Variants in MDGA2 observed in about 807,000 individuals in gnomAD.
MDGA2 encodes MAM domain containing glycosylphosphatidylinositol anchor 2.
MDGA2 carries 40 observed loss-of-function variants against 117.8 expected under a neutral mutation model. The ratio of observed to expected loss-of-function variants is 0.34; its 90% CI spans 0.26 to 0.44. The LOEUF is 0.44. Among genes scored for constraint, MDGA2 ranks in the 20% least tolerant of loss-of-function variants. The probability of loss-of-function intolerance (pLI) is 1.00; values close to 1 mark genes in which losing one functional copy is unlikely to be tolerated. For missense variants in MDGA2, 1,123 were observed against 1,250.6 expected, an observed-to-expected ratio of 0.90 and a Z score of 1.54; for synonymous variants, 452 against 439.0, an observed-to-expected ratio of 1.03 and a Z score of -0.37.
intron 1 of MDGA2, among the ~76,000 whole-genome samples, chr14:47,553,318 C>T (rs1895621472): frequency 1.3e-5 from 2 of 152,210 alleles, no homozygotes; most frequent in Admixed American, 6.5e-5. Flanking sequence ...GTCTAAAAAA[C>T]ATTATAACTA....
chr14:47,613,553 C>T (rs562039816), intron 1 of MDGA2, among the ~76,000 whole-genome samples: 12 of 151,436 alleles, frequency 7.9e-5, no homozygotes, highest in African/African-American at 2.9e-4. Flanking sequence ...AAATCCTGAA[C>T]TTGCAGAAAT....
intron 1 of MDGA2, among the ~76,000 whole-genome samples, chr14:47,404,466 G>A (rs924397898): frequency 1.3e-5 from 2 of 151,224 alleles, no homozygotes; most frequent in Admixed American, 6.6e-5. Context: ...GGTTATAGGC[G>A]TGAGCCACAG....
At chr14:47,334,886 T>C (rs967380389) in intron 1 of MDGA2, among the ~76,000 whole-genome samples, 1 of 151,930 alleles carries the variant, frequency 6.6e-6, no homozygotes, top group South Asian at 2.1e-4. Flanking sequence ...CAATATCTGT[T>C]GAATTAGCAC....
At chr14:47,509,907 G>C (rs1490691051) in intron 1 of MDGA2, among the ~76,000 whole-genome samples, 1 of 152,212 alleles carries the variant, frequency 6.6e-6, no homozygotes, top group Non-Finnish European at 1.5e-5. Context: ...ATGATGTTTA[G>C]ATTAGACTTT....
At chr14:47,481,326 GACA>G (rs988205751) in intron 1 of MDGA2, among the ~76,000 whole-genome samples, 1 of 151,924 alleles carries the variant, frequency 6.6e-6, no homozygotes, top group African/African-American at 2.4e-5. Flanking sequence ...AGTTTTGTTT[GACA>G]ACATTTACAT....
intron 3 of MDGA2, among the ~76,000 whole-genome samples, chr14:47,145,393 A>G (rs1001974525): frequency 6.6e-6 from 1 of 152,012 alleles, no homozygotes; most frequent in Non-Finnish European, 1.5e-5. Flanking sequence ...AAATACAGAC[A>G]CTCCTCAACC....
At chr14:47,442,792 G>A (rs949597934) in intron 1 of MDGA2, among the ~76,000 whole-genome samples, 1 of 152,054 alleles carries the variant, frequency 6.6e-6, no homozygotes, top group Admixed American at 6.6e-5. Flanking sequence ...TTGGTCAACT[G>A]TGGTCTGAAA....
At chr14:47,184,552 T>C (rs1182024078) in intron 3 of MDGA2, among the ~76,000 whole-genome samples, 4 of 151,922 alleles carry the variant, frequency 2.6e-5, no homozygotes, top group Non-Finnish European at 5.9e-5. Context: ...CCTATAAGAC[T>C]AGCAACATTT....
chr14:47,674,546 A>G lies in MDGA2; in HGVS notation c.251T>C (p.Leu84Pro). Reference protein sequence around the residue: ...YGLVWLLTVLLEGISGQGVYA... With the variant: ...YGLVWLLTVLPEGISGQGVYA... Reference sequence around the variant, plus strand: ...CACTCCTTGGCCAGAGATCCCCTCCAGGAGGACTGTCAGCAGCCACACGAG... The same window carrying G: ...CACTCCTTGGCCAGAGATCCCCTCCGGGAGGACTGTCAGCAGCCACACGAG... Residue 84 changes from leucine to proline, a missense_variant, in exon 1 of 17, where the codon CTG (leucine) becomes CCG (proline). Leu to Pro is a moderately conservative substitution (Grantham distance 98). Transcript: ENST00000399232. 1 of 1,551,332 alleles carries G rather than the reference A, an allele frequency of 6.4e-7. No homozygotes were observed. Among genetic ancestry groups the G allele is most frequent in the East Asian group, 2.4e-5 (1 of 40,854 alleles).
chr14:47,217,446 A>C (rs1228998017), intron 3 of MDGA2, among the ~76,000 whole-genome samples: 1 of 152,008 alleles, frequency 6.6e-6, no homozygotes, highest in Non-Finnish European at 1.5e-5. Context: ...ACTAAGAACA[A>C]AAATAAATCA....
At chr14:47,037,554 AAG>A (rs1011393838) in intron 7 of MDGA2, among the ~76,000 whole-genome samples, 28 of 152,198 alleles carry the variant, frequency 1.8e-4, no homozygotes, top group African/African-American at 6.0e-4. Context: ...TCAAATATGA[AAG>A]AGTAGAGATG....
intron 10 of MDGA2, among the ~76,000 whole-genome samples, chr14:46,908,019 T>G (rs1040411522): frequency 9.2e-5 from 14 of 152,158 alleles, no homozygotes; most frequent in African/African-American, 2.9e-4. Flanking sequence ...TTGTGTTACA[T>G]TGATATAAGT....
At chr14:47,136,400 T>C (rs754726169) in intron 4 of MDGA2, among the ~76,000 whole-genome samples, 8 of 151,974 alleles carry the variant, frequency 5.3e-5, no homozygotes, top group Non-Finnish European at 1.2e-4. Flanking sequence ...TTTCACCATA[T>C]TGACCAGGCT....
At chr14:47,263,116 T>C (rs1286520707) in intron 2 of MDGA2, among the ~76,000 whole-genome samples, 4 of 152,110 alleles carry the variant, frequency 2.6e-5, no homozygotes, top group African/African-American at 9.7e-5. Flanking sequence ...AGTCTGGCTG[T>C]ATTGTCCTGG....
At chr14:47,186,404 T>C (rs1884912691) in intron 3 of MDGA2, among the ~76,000 whole-genome samples, 1 of 151,838 alleles carries the variant, frequency 6.6e-6, no homozygotes. Context: ...CCCTATTAAA[T>C]ATCAAATTTC....
intron 2 of MDGA2, among the ~76,000 whole-genome samples, chr14:47,300,182 A>G (rs750380274): frequency 3.9e-5 from 6 of 152,192 alleles, no homozygotes; most frequent in Admixed American, 1.3e-4. Flanking sequence ...AAATCTCCAC[A>G]TTACTTTTCG....
intron 1 of MDGA2, among the ~76,000 whole-genome samples, chr14:47,573,602 G>T (rs1896060798): frequency 6.6e-6 from 1 of 152,154 alleles, no homozygotes; most frequent in Admixed American, 6.5e-5. Flanking sequence ...ATGTGCTCGG[G>T]TATTCTGTGG....
chr14:47,021,051 G>A (rs750067251), intron 8 of MDGA2, among the ~76,000 whole-genome samples: 8 of 152,030 alleles, frequency 5.3e-5, no homozygotes. Context: ...CAGATAAGCT[G>A]CAAAGAATAT....
intron 9 of MDGA2, among the ~76,000 whole-genome samples, chr14:46,925,262 A>T (rs767711976): frequency 6.6e-6 from 1 of 152,196 alleles, no homozygotes; most frequent in Non-Finnish European, 1.5e-5. Context: ...ACACAAATAC[A>T]CAAGAAAACG....
Sources: allele counts gnomAD v4.1 joint callset (sites outside exome capture counted in the v4.1 genomes callset), GRCh38; gene constraint gnomAD v4.1.1; transcripts MANE v1.5; gene names NCBI Gene and HGNC (gene_info 2026-07-23, HGNC 2026-07-21).